The following LRRC75A variants were observed in gnomAD, a reference collection of about 807,000 sequenced individuals.
The protein encoded by LRRC75A is leucine rich repeat containing 75A, also known as leucine-rich repeat-containing protein 75A.
LRRC75A carries 12 observed loss-of-function variants against 26.0 expected under a neutral mutation model. The ratio of observed to expected loss-of-function variants is 0.46; its 90% CI spans 0.30 to 0.75. LRRC75A has a LOEUF of 0.75. LRRC75A is among the 30% of genes least tolerant of loss of function. The pLI, the probability that LRRC75A is intolerant of heterozygous loss-of-function variation, is 0.08. For missense variants in LRRC75A, 410 were observed against 486.6 expected (o/e 0.84, Z 1.48); for synonymous variants, 223 against 219.3 (o/e 1.02, Z -0.15).
At chr17:16,490,216 C>A (rs1030868067) in intron 1 of LRRC75A, among the ~76,000 whole-genome samples, 2 of 152,176 alleles carry the variant, frequency 1.3e-5, no homozygotes, top group African/African-American at 4.8e-5. Context: ...CCCAAAGCAC[C>A]CATTGCAGGG....
intron 1 of LRRC75A, among the ~76,000 whole-genome samples, chr17:16,479,143 AG>A (rs1477757681): frequency 6.6e-6 from 1 of 152,250 alleles, no homozygotes; most frequent in African/African-American, 2.4e-5. Context: ...AGATCCACTC[AG>A]GTTGTCTTAG....
Position 16,488,098 on chromosome 17 carries a change from G to A in LRRC75A, c.246+3647C>T, listed in dbSNP as rs544159025. ...AGGGAAACTGCTGGGGTGAAGAGAT[G>A]ACAGCTCACCCTCAAGGTGGCCTGG... On this transcript the variant is annotated intron_variant, in intron 1 of 3. Coordinates refer to ENST00000470794, the MANE Select transcript of LRRC75A (RefSeq NM_001113567.3). Among the ~76,000 whole-genome samples the A allele has an allele frequency of 2.0e-5, 3 of 152,332 alleles. No homozygotes were observed. In the East Asian group the frequency reaches 5.8e-4, roughly 29 times the overall value.
At chr17:16,479,947 C>G (rs912012237) in intron 1 of LRRC75A, among the ~76,000 whole-genome samples, 1 of 152,220 alleles carries the variant, frequency 6.6e-6, no homozygotes, top group African/African-American at 2.4e-5. Flanking sequence ...CACAGCAGGA[C>G]GTGAACAGTG....
intron 1 of LRRC75A, among the ~76,000 whole-genome samples, chr17:16,479,851 G>A (rs956935404): frequency 6.6e-6 from 1 of 152,208 alleles, no homozygotes; most frequent in African/African-American, 2.4e-5. Context: ...GAAATAAACT[G>A]TTGAAAAAGT....
intron 1 of LRRC75A, among the ~76,000 whole-genome samples, chr17:16,489,637 G>A (rs188413044): frequency 5.3e-5 from 8 of 152,366 alleles, no homozygotes; most frequent in Non-Finnish European, 1.2e-4. Context: ...CCACCTCTCT[G>A]TCATAGGCAA....
rs201978130 is a variant in LRRC75A, at chr17:16,462,280, C to T, written c.353G>A (p.Arg118His). 52 of 1,614,070 alleles carry T rather than the reference C, an allele frequency of 3.2e-5. No homozygotes were observed. The highest frequency in any genetic ancestry group is 1.1e-4 in the African/African-American group (8 of 75,020). ...TACCGGCTTGGGACAGTGGATGTAG[C>T]GTGCCAGGCTGATGATGAGGTCGTG... ...ITHDLIISLA[R>H]YIHCPKPEGD... is the part of the protein sequence containing the mutation. The change falls in exon 2 of 4, where the codon CGC becomes CAC. Residue 118 changes from arginine (R) to histidine (H), a missense_variant. Transcript: ENST00000470794. This position sits in a 1 kb window ranked among gnomAD's most constrained non-coding sequence, Gnocchi z 4.6.
intron 3 of LRRC75A, chr17:16,446,908 TC>T: frequency 2.8e-6 from 1 of 353,274 alleles, no homozygotes; most frequent in Non-Finnish European, 5.4e-6. Context: ...AATGCGCCTC[TC>T]CAGGATCCAT....
chr17:16,478,043 GC>G (rs990740762), intron 1 of LRRC75A, among the ~76,000 whole-genome samples: 1 of 151,830 alleles, frequency 6.6e-6, no homozygotes, highest in Non-Finnish European at 1.5e-5. Flanking sequence ...CAGCGTCCCT[GC>G]TCTCACCCTG....
chr17:16,459,478 C>G (rs917388233), intron 2 of LRRC75A, among the ~76,000 whole-genome samples: 10 of 152,134 alleles, frequency 6.6e-5, no homozygotes, highest in Non-Finnish European at 1.2e-4. Flanking sequence ...GTGTCAGGAA[C>G]AGAGGAGGGA....
intron 1 of LRRC75A, among the ~76,000 whole-genome samples, chr17:16,470,698 G>A (rs1008399149): frequency 6.6e-6 from 1 of 152,214 alleles, no homozygotes; most frequent in African/African-American, 2.4e-5. Context: ...CACAGCCTGA[G>A]GAAGCCCCCA....
intron 1 of LRRC75A, among the ~76,000 whole-genome samples, chr17:16,473,155 G>A (rs898933531): frequency 6.6e-6 from 1 of 151,948 alleles, no homozygotes; most frequent in African/African-American, 2.4e-5. Flanking sequence ...GTGTGTGCGC[G>A]CGCGCCCCAA....
At chr17:16,467,854 T>G (rs1236578623) in intron 1 of LRRC75A, among the ~76,000 whole-genome samples, 1 of 152,158 alleles carries the variant, frequency 6.6e-6, no homozygotes, top group Non-Finnish European at 1.5e-5. Context: ...CAGCAACTTC[T>G]CCAAGTCACC....
Position 16,462,323 on chromosome 17 carries a change from G to A in LRRC75A, c.310C>T (p.Leu104=), listed in dbSNP as rs767152832. The change falls in exon 2 of 4, where the codon CTG becomes TTG. Residue 104 remains leucine (L), a synonymous_variant. Coordinates refer to ENST00000470794, the MANE Select transcript of LRRC75A (RefSeq NM_001113567.3). This position sits in a 1 kb window ranked among gnomAD's most constrained non-coding sequence, Gnocchi z 4.6. ...AGGTCGTGTGTGATGGGGTCCACCAGGTTCCGGAAGCTGGCGTAGCGATAC... is the reference window on the plus strand; with the variant it reads ...AGGTCGTGTGTGATGGGGTCCACCAAGTTCCGGAAGCTGGCGTAGCGATAC... ...VLYRYASFRN[L]VDPITHDLII... 3.1e-6 allele frequency: 5 copies of A among 1,614,204 alleles called. No individual in the cohort carries two copies. The East Asian group carries it at 1.1e-4, about 36-fold the overall frequency.
Position 16,443,510 on chromosome 17 carries a change from T to C in LRRC75A, c.*78A>G, listed in dbSNP as rs942755008. On this transcript the variant is annotated 3_prime_UTR_variant, in exon 4 of 4. Transcript: ENST00000470794. The stretch of plus-strand genomic sequence containing the variant: ...TTGGCAATATCCTTAACCCACCTGA[T>C]AGGAGAAGCGCCCTCCCCTGCCTGC... The C allele has an allele frequency of 8.9e-6, 12 of 1,345,486 alleles. No individual in the cohort carries two copies. The highest frequency in any genetic ancestry group is 1.2e-5 in the Non-Finnish European group (12 of 1,014,620). The allele number at this position is 1,345,486 out of a possible 1,614,324, so 83.3% of individuals were successfully genotyped here.
intron 1 of LRRC75A, among the ~76,000 whole-genome samples, chr17:16,488,926 G>A (rs950087805): frequency 5.3e-5 from 8 of 152,120 alleles, no homozygotes; most frequent in Middle Eastern, 3.4e-3. Context: ...ACATGCACCC[G>A]GGTCAGGTCC....
rs1450878287 is a variant in LRRC75A, at chr17:16,491,198, G to A, written c.246+547C>T. Among the ~76,000 whole-genome samples, 2 of 152,018 alleles carry A rather than the reference G, an allele frequency of 1.3e-5. No individual in the cohort carries two copies. The highest frequency in any genetic ancestry group is 1.3e-4 in the Admixed American group (2 of 15,280). On this transcript the variant is annotated intron_variant, in intron 1 of 3. Coordinates refer to ENST00000470794, the MANE Select transcript of LRRC75A (RefSeq NM_001113567.3). The surrounding 1 kb of genome is among the most constrained non-coding windows in gnomAD (Gnocchi z 5.9). ...GAGGATCTGCTGAAGTTAGTCAGGG[G>A]AGAGGAAACAGTCTCCTCCTTGAAC...
chr17:16,485,001 AGC>A (rs2093843035), intron 1 of LRRC75A, among the ~76,000 whole-genome samples: 1 of 148,976 alleles, frequency 6.7e-6, no homozygotes, highest in Non-Finnish European at 1.5e-5. Context: ...GCTCCTGGAG[AGC>A]CACGTGGGCA....
chr17:16,445,588 CAG>C (rs1457973865), intron 3 of LRRC75A, among the ~76,000 whole-genome samples: 1 of 152,220 alleles, frequency 6.6e-6, no homozygotes, highest in African/African-American at 2.4e-5. Flanking sequence ...CCTGGCAACA[CAG>C]GGTACATTTG....
At chr17:16,483,685 G>A (rs1412215062) in intron 1 of LRRC75A, among the ~76,000 whole-genome samples, 6 of 152,314 alleles carry the variant, frequency 3.9e-5, no homozygotes, top group African/African-American at 1.2e-4. Flanking sequence ...GGCAAGTTAG[G>A]GTTTCCACTG....
Sources: gnomAD v4.1 joint callset for allele counts (sites outside exome capture counted in the v4.1 genomes callset) on GRCh38, gnomAD v4.1.1 for gene constraint, Gnocchi (gnomAD v3.1) non-coding constraint, MANE v1.5 for transcripts, NCBI Gene and HGNC (gene_info 2026-07-23, HGNC 2026-07-21) for gene names.